The following MGAT4C variants were observed in gnomAD, a reference collection of about 807,000 sequenced individuals.
MGAT4C encodes the protein MGAT4 family member C.
A neutral mutation model predicts 40.1 loss-of-function variants in MGAT4C; 19 were observed. The observed-to-expected ratio is 0.47, with a 90% CI of 0.33 to 0.70. The LOEUF (loss-of-function observed/expected upper bound fraction) is 0.70, where lower values mean the gene tolerates loss of function less well. MGAT4C is among the 30% of genes least tolerant of loss of function. The pLI, the probability that MGAT4C is intolerant of heterozygous loss-of-function variation, is 0.02. For synonymous variants in MGAT4C, 181 were observed against 187.1 expected (o/e 0.97, Z 0.27); for missense variants, 491 against 563.2 (o/e 0.87, Z 1.30).
At position 86,110,280 on chromosome 12, in the gene MGAT4C, T is replaced by A. The variant is rs866836917; in HGVS notation, c.-56-60557A>T. On this transcript the variant is annotated intron_variant, in intron 1 of 4. Coordinates refer to ENST00000611864, the MANE Select transcript of MGAT4C (RefSeq NM_001351288.2). ...ATATATATATAGACTATATATATAGTCTATATATATATAGTCTCTCTATAT... is the reference window on the plus strand; with the variant it reads ...ATATATATATAGACTATATATATAGACTATATATATATAGTCTCTCTATAT... 1.5e-3 allele frequency among the ~76,000 whole-genome samples: 34 copies of A among 23,432 alleles called. 1 individual carries two copies. Among genetic ancestry groups the A allele is most frequent in the Admixed American group, 2.2e-3 (4 of 1,792 alleles). 15.4% of individuals were successfully genotyped at this position (23,432 alleles called of 152,430 possible).
At chr12:86,640,532 G>C (rs887135452) in intron 2 of MGAT4C, among the ~76,000 whole-genome samples, 4 of 151,842 alleles carry the variant, frequency 2.6e-5, no homozygotes, top group African/African-American at 9.7e-5. Context: ...TATCAATTTA[G>C]TTGATCCTTT....
chr12:86,674,341 A>T (rs1964337051), intron 2 of MGAT4C, among the ~76,000 whole-genome samples: 1 of 152,176 alleles, frequency 6.6e-6, no homozygotes, highest in South Asian at 2.1e-4. Flanking sequence ...AATACATTTC[A>T]AATTTTTACT....
rs1174599968 is a variant in MGAT4C, at chr12:86,055,600, T to C, written c.-56-5877A>G. On this transcript the variant is annotated intron_variant, in intron 1 of 4. Transcript: ENST00000611864. ...CCTGATCTTTAATTGATTTGTCTAT[T>C]TACTCTTTGTCATAGAAAAGCATGT... is the stretch of plus-strand genomic sequence containing the variant. Among the ~76,000 whole-genome samples, 4 of 152,082 alleles carry C rather than the reference T, an allele frequency of 2.6e-5. 1 individual carries two copies. The highest frequency in any genetic ancestry group is 5.9e-5 in the Non-Finnish European group (4 of 68,004).
intron 2 of MGAT4C, chr12:86,016,142 A>G (rs1889067899): frequency 1.3e-5 from 2 of 152,226 alleles, no homozygotes; most frequent in Non-Finnish European, 2.9e-5. Flanking sequence ...ATGAATTGCC[A>G]TCACATATCA....
chr12:86,746,972 A>T (rs150647800), intron 1 of MGAT4C, among the ~76,000 whole-genome samples: 4 of 151,754 alleles, frequency 2.6e-5, no homozygotes, highest in African/African-American at 9.6e-5. Flanking sequence ...CTTGGTTTCC[A>T]TCCTCTGATG....
At chr12:86,061,536 C>G (rs1252416690) in intron 1 of MGAT4C, among the ~76,000 whole-genome samples, 3 of 151,754 alleles carry the variant, frequency 2.0e-5, no homozygotes, top group Non-Finnish European at 2.9e-5. Context: ...TGTTCACTCC[C>G]TTGGAAAGGG....
chr12:86,542,595 A>C (rs991454393), intron 2 of MGAT4C, among the ~76,000 whole-genome samples: 2 of 152,062 alleles, frequency 1.3e-5, no homozygotes, highest in African/African-American at 4.8e-5. Flanking sequence ...TAGTACCTTG[A>C]GAGTAGTGGC....
chr12:86,783,978 A>G (rs1238183603), intron 1 of MGAT4C, among the ~76,000 whole-genome samples: 1 of 152,086 alleles, frequency 6.6e-6, no homozygotes. Context: ...CTACAGCTTA[A>G]ATTTGAGGGC....
chr12:86,029,087 C>T (rs1890500899), intron 2 of MGAT4C, among the ~76,000 whole-genome samples: 1 of 151,804 alleles, frequency 6.6e-6, no homozygotes, highest in African/African-American at 2.4e-5. Flanking sequence ...ATTTAATGGA[C>T]AATGTTATAA....
intron 3 of MGAT4C, among the ~76,000 whole-genome samples, chr12:86,363,093 ACTATAC>A: frequency 6.6e-6 from 1 of 152,200 alleles, no homozygotes. Flanking sequence ...CAAATTCAAA[ACTATAC>A]CTATTTATCT....
intron 2 of MGAT4C, among the ~76,000 whole-genome samples, chr12:86,633,633 T>C (rs533186537): frequency 1.3e-5 from 2 of 152,236 alleles, no homozygotes; most frequent in South Asian, 2.1e-4. Flanking sequence ...AGCTTTGCAG[T>C]TGTAGAAAAA....
chr12:86,559,115 T>A (rs571738715), intron 2 of MGAT4C, among the ~76,000 whole-genome samples: 1 of 151,842 alleles, frequency 6.6e-6, no homozygotes, highest in Non-Finnish European at 1.5e-5. Context: ...CATATAATAA[T>A]AATGGAATCA....
chr12:86,218,001 A>G (rs61949011), intron 1 of MGAT4C, among the ~76,000 whole-genome samples: 1 of 152,076 alleles, frequency 6.6e-6, no homozygotes, highest in Non-Finnish European at 1.5e-5. Context: ...TATTAATATC[A>G]AAATTATACA....
At chr12:86,782,201 A>G (rs1359427883) in intron 1 of MGAT4C, among the ~76,000 whole-genome samples, 1 of 20,770 alleles carries the variant, frequency 4.8e-5, no homozygotes, top group Admixed American at 9.1e-4. Flanking sequence ...TTTTTTTTTG[A>G]GACGGAGTCT....
chr12:86,170,031 G>C (rs1003460611), intron 1 of MGAT4C, among the ~76,000 whole-genome samples: 1 of 152,202 alleles, frequency 6.6e-6, no homozygotes, highest in Non-Finnish European at 1.5e-5. Flanking sequence ...TGTAAATTTA[G>C]TTCTTCCAAC....
intron 1 of MGAT4C, among the ~76,000 whole-genome samples, chr12:86,752,703 G>A (rs565100995): frequency 5.9e-5 from 9 of 152,088 alleles, no homozygotes; most frequent in Admixed American, 2.0e-4. Flanking sequence ...TGTTAAGATA[G>A]AATGACCATT....
At chr12:86,104,296 C>T (rs1875720342) in intron 1 of MGAT4C, among the ~76,000 whole-genome samples, 1 of 150,990 alleles carries the variant, frequency 6.6e-6, no homozygotes, top group Non-Finnish European at 1.5e-5. Flanking sequence ...AAAAGTTAGG[C>T]GGGCATGGTG....
intron 1 of MGAT4C, among the ~76,000 whole-genome samples, chr12:86,817,862 C>T (rs1372763011): frequency 6.6e-6 from 1 of 151,378 alleles, no homozygotes; most frequent in Non-Finnish European, 1.5e-5. Flanking sequence ...AATCTGTACA[C>T]TAGGATAGAG....
intron 1 of MGAT4C, among the ~76,000 whole-genome samples, chr12:86,130,956 T>A (rs748508135): frequency 4.6e-5 from 7 of 152,036 alleles, no homozygotes; most frequent in Non-Finnish European, 8.8e-5. Context: ...ATTTCTACTA[T>A]AATGTTGACT....
Sources: allele counts gnomAD v4.1 joint callset (sites outside exome capture counted in the v4.1 genomes callset), GRCh38; gene constraint gnomAD v4.1.1; transcripts MANE v1.5; gene names NCBI Gene and HGNC (gene_info 2026-07-23, HGNC 2026-07-21).